The following BSCL2 variants were observed in gnomAD, a reference collection of about 807,000 sequenced individuals.
BSCL2 encodes the protein seipin.
BSCL2 carries 41 observed loss-of-function variants against 57.4 expected under a neutral mutation model. That is an observed-to-expected ratio of 0.71 (90% CI 0.56 to 0.93). The LOEUF is 0.93. Among genes scored for constraint, BSCL2 ranks in the 40% least tolerant of loss-of-function variants. The pLI, the probability that BSCL2 is intolerant of heterozygous loss-of-function variation, is 0.00. For synonymous variants in BSCL2, 237 were observed against 227.3 expected (o/e 1.04, Z -0.38); for missense variants, 539 against 586.7 (o/e 0.92, Z 0.84).
At chr11:62,695,901 C>T (rs369994499) in intron 3 of BSCL2, among the ~76,000 whole-genome samples, 7 of 150,246 alleles carry the variant, frequency 4.7e-5, no homozygotes, top group South Asian at 2.1e-4. Flanking sequence ...TGGCCGGGCG[C>T]GGTTGGCTCA....
At chr11:62,698,154 G>A (rs1285094195) in intron 3 of BSCL2, among the ~76,000 whole-genome samples, 2 of 151,742 alleles carry the variant, frequency 1.3e-5, no homozygotes, top group South Asian at 2.1e-4. Context: ...TGATCCACCC[G>A]CCTCGGCCTC....
intron 3 of BSCL2, among the ~76,000 whole-genome samples, chr11:62,698,867 G>A (rs1042727347): frequency 3.3e-5 from 5 of 151,904 alleles, no homozygotes; most frequent in Admixed American, 6.6e-5. Context: ...CAGGTTCTGT[G>A]GCTTTCTCAT....
chr11:62,708,450 G>T (rs1207601857), upstream of BSCL2: 2 of 1,357,100 alleles, frequency 1.5e-6, no homozygotes, highest in African/African-American at 1.4e-5. Context: ...TGTGCTGCAG[G>T]TTCCCAAAGC....
intron 4 of BSCL2, among the ~76,000 whole-genome samples, chr11:62,694,195 C>CTT (rs71056545): frequency 1.3e-4 from 6 of 47,130 alleles, no homozygotes; most frequent in Admixed American, 4.0e-4. Flanking sequence ...CCCAGACATT[C>CTT]TTTTTTTTTT....
intron 4 of BSCL2, 72 bp from the exon 5 acceptor site, chr11:62,692,869 C>T: frequency 1.2e-6 from 2 of 1,601,176 alleles, no homozygotes; most frequent in Non-Finnish European, 1.7e-6. Flanking sequence ...TACCCCTCAA[C>T]CACCCCTGAG....
intron 1 of BSCL2, 112 bp from the exon 2 acceptor site, chr11:62,705,729 T>C (rs1225339333): frequency 3.9e-6 from 4 of 1,036,692 alleles, no homozygotes; most frequent in Non-Finnish European, 5.4e-6. Flanking sequence ...AGCAAAGTCA[T>C]TGTTTCATAT....
At chr11:62,694,803 C>G (rs1248954246) in intron 3 of BSCL2, 92 bp from the exon 4 acceptor site, 1 of 1,441,862 alleles carries the variant, frequency 6.9e-7, no homozygotes, top group Non-Finnish European at 9.5e-7. Flanking sequence ...CCGCAACGCC[C>G]CCAAATACTC....
At chr11:62,692,622 G>A in intron 5 of BSCL2, 41 bp downstream of exon 5, 3 of 1,613,510 alleles carry the variant, frequency 1.9e-6, no homozygotes, top group Non-Finnish European at 2.5e-6. Context: ...GCTAATGGGA[G>A]GGGCTATCTC....
chr11:62,692,454 G>A lies in BSCL2; in HGVS notation c.785C>T (p.Ala262Val), dbSNP rs140896339. Residue 262 changes from alanine to valine, a missense_variant, in exon 6 of 11, where the codon GCG (alanine) becomes GTG (valine). By Grantham distance (64) the Ala-to-Val change is moderately conservative (BLOSUM62 0). This residue lies in a region of BSCL2 where 73 missense variants were observed against 122.0 expected (regional missense o/e 0.60). Coordinates refer to ENST00000360796, the MANE Select transcript of BSCL2 (RefSeq NM_001122955.4). ...GCGCTTGCTGTGGATCTCAATGATCGCTCCAGTGGTCGGCACGTACTGTGA... is the reference window on the plus strand; with the variant it reads ...GCGCTTGCTGTGGATCTCAATGATCACTCCAGTGGTCGGCACGTACTGTGA... Reference protein sequence around the residue: ...RENSYVPTTGAIIEIHSKRIQ... With the variant: ...RENSYVPTTGVIIEIHSKRIQ... The A allele has an allele frequency of 6.1e-5, 98 of 1,613,854 alleles. No individual in the cohort carries two copies. Among genetic ancestry groups the A allele is most frequent in the African/African-American group, 5.3e-4 (40 of 74,926 alleles).
In BSCL2 at chr11:62,694,667, C is replaced by G; in HGVS notation, c.531G>C (p.Glu177Asp). The G allele has an allele frequency of 6.2e-7, 1 of 1,614,166 alleles. No homozygotes were observed. Among genetic ancestry groups the G allele is most frequent in the East Asian group, 2.2e-5 (1 of 44,880 alleles). Residue 177 changes from glutamate to aspartate, a missense_variant, in exon 4 of 11, where the codon GAG (glutamate) becomes GAC (aspartate). By Grantham distance (45) the Glu-to-Asp change is conservative (BLOSUM62 2). This residue lies in a region of BSCL2 where 218 missense variants were observed against 224.8 expected (regional missense o/e 0.97). Coordinates refer to ENST00000360796, the MANE Select transcript of BSCL2 (RefSeq NM_001122955.4). ...CTTGATTCACAGGGGACTCTGGCAG[C>G]TCAAGCTCTAAGGTAACACGATACG... ...GQPYRVTLEL[E>D]LPESPVNQDL... is the part of the protein sequence containing the mutation.
At chr11:62,696,003 T>C (rs1310018471) in intron 3 of BSCL2, among the ~76,000 whole-genome samples, 1 of 151,940 alleles carries the variant, frequency 6.6e-6, no homozygotes, top group Non-Finnish European at 1.5e-5. Flanking sequence ...TGAAACTCTG[T>C]CTCTACTAAA....
Position 62,707,145 on chromosome 11 carries a change from C to T in BSCL2, c.51G>A (p.Val17=). 1 of 1,554,706 alleles carries T rather than the reference C, an allele frequency of 6.4e-7. No individual in the cohort carries two copies. Among genetic ancestry groups the T allele is most frequent in the African/African-American group, 1.4e-5 (1 of 73,534 alleles). ...DQKEEAGEKE[V]CGDQIKGPDK... ...CCGGTCCTTTGATCTGGTCTCCGCA[C>T]ACCTCTTTTTCCCCAGCTTCCTCCT... The change falls in exon 1 of 11, where the codon GTG becomes GTA. Residue 17 remains valine, a synonymous_variant. Coordinates refer to ENST00000360796, the MANE Select transcript of BSCL2 (RefSeq NM_001122955.4).
In BSCL2 at chr11:62,702,534, G is replaced by A. The variant is rs780093151; in HGVS notation, c.420C>T (p.Ser140=). 4.3e-6 allele frequency: 7 copies of A among 1,612,084 alleles called. No homozygotes were observed. The highest frequency in any genetic ancestry group is 5.9e-6 in the Non-Finnish European group (7 of 1,178,714). Residue 140 remains serine, a synonymous_variant, in exon 3 of 11, where the codon TCC becomes TCT. Transcript: ENST00000360796. ...VHFYYRTDCD[S]STTSLCSFPV... ...GGAAGGAGCAGAGTGAGGTGGTGGA[G>A]GAATCACAGTCGGTCCTAAATGAGA...
At chr11:62,691,898 A>T (rs1945320704) in intron 6 of BSCL2, among the ~76,000 whole-genome samples, 1 of 152,036 alleles carries the variant, frequency 6.6e-6, no homozygotes, top group Admixed American at 6.6e-5. Context: ...AAAATACAAA[A>T]AAAATTAGCC....
At chr11:62,708,871 ATTG>A (rs1565155450), upstream of BSCL2, 3 of 1,277,682 alleles carry the variant, frequency 2.3e-6, no homozygotes, top group East Asian at 2.3e-5. Flanking sequence ...TAGGTCAGTA[ATTG>A]TTGTGAGCCC....
rs1590887383 is a variant in BSCL2, at chr11:62,707,114, C to T, written c.82G>A (p.Glu28Lys). 1 of 1,553,592 alleles carries T rather than the reference C, an allele frequency of 6.4e-7. No individual in the cohort carries two copies. The highest frequency in any genetic ancestry group is 8.7e-7 in the Non-Finnish European group (1 of 1,147,448). Residue 28 changes from glutamate (E) to lysine (K), a missense_variant, in exon 1 of 11, where the codon GAG becomes AAG. Transcript: ENST00000360796. Reference protein sequence around the residue: ...CGDQIKGPDKEEEPPAAASHG... With the variant: ...CGDQIKGPDKKEEPPAAASHG... Reference sequence around the variant, plus strand: ...GTCCCCACAAGGGCCCCTACCTCCTCTTTGTCCGGTCCTTTGATCTGGTCT... The same window carrying T: ...GTCCCCACAAGGGCCCCTACCTCCTTTTTGTCCGGTCCTTTGATCTGGTCT...
At chr11:62,690,952 T>C in intron 8 of BSCL2, 85 bp from the exon 9 acceptor site, 1 of 1,579,274 alleles carries the variant, frequency 6.3e-7, no homozygotes, top group East Asian at 2.2e-5. Flanking sequence ...TCCTCGCCTT[T>C]CCTTTGACCC....
rs574223333 is a variant in BSCL2, at chr11:62,707,393, G to T, written c.-198C>A. The T allele has an allele frequency of 5.7e-6, 4 of 707,058 alleles. No individual in the cohort carries two copies. In the East Asian group the frequency reaches 1.1e-4, roughly 19 times the overall value. 43.8% of individuals were successfully genotyped at this position (707,058 alleles called of 1,614,324 possible). A position where few individuals can be genotyped will look rare whatever the true frequency, so the allele number is the denominator to read the frequency against. On this transcript the variant is annotated 5_prime_UTR_variant, in exon 1 of 11. Transcript: ENST00000360796. ...GTAGAGGGAGGAAAGGAGGAGGGGG[G>T]CGACTGCCCAGCTGATGTCAGATTT... is the stretch of plus-strand genomic sequence containing the variant.
chr11:62,696,513 G>A (rs1268963603), intron 3 of BSCL2, among the ~76,000 whole-genome samples: 1 of 145,660 alleles, frequency 6.9e-6, no homozygotes, highest in Admixed American at 6.9e-5. Context: ...TTGCTTTGTT[G>A]CTCAGCCTAT....
Sources: gnomAD v4.1 joint callset for allele counts (sites outside exome capture counted in the v4.1 genomes callset) on GRCh38, gnomAD v4.1.1 for gene constraint, gnomAD v4.1.1 regional missense constraint, MANE v1.5 for transcripts, NCBI Gene and HGNC (gene_info 2026-07-23, HGNC 2026-07-21) for gene names.